The following SPI1 variants were observed in gnomAD, a reference collection of about 807,000 sequenced individuals.
SPI1 encodes transcription factor PU.1.
In SPI1, 3 loss-of-function variants were observed where a neutral mutation model predicts 30.7. The ratio of observed to expected loss-of-function variants is 0.10; its 90% CI spans 0.04 to 0.25. SPI1 has a LOEUF of 0.25. SPI1 is among the 10% of genes least tolerant of loss of function. The pLI, the probability that SPI1 is intolerant of heterozygous loss-of-function variation, is 1.00. For synonymous variants in SPI1, 169 were observed against 157.1 expected (o/e 1.08, Z -0.56); for missense variants, 261 against 371.5 (o/e 0.70, Z 2.45).
chr11:47,370,182 C>T (rs566884735), intron 2 of SPI1, among the ~76,000 whole-genome samples: 6 of 152,122 alleles, frequency 3.9e-5, no homozygotes, highest in African/African-American at 1.2e-4. Context: ...GCCAGTGGAT[C>T]GCCTGAGGTC....
chr11:47,361,822 C>A (rs77908907), intron 2 of SPI1, among the ~76,000 whole-genome samples: 3,598 of 152,322 alleles, frequency 0.024, 72 homozygotes, highest in Non-Finnish European at 0.035. Flanking sequence ...TACTCGCTTT[C>A]TAAACCTGCT....
chr11:47,357,393 C>A (rs1031531072), intron 4 of SPI1, among the ~76,000 whole-genome samples: 2 of 152,088 alleles, frequency 1.3e-5, no homozygotes, highest in Non-Finnish European at 2.9e-5. Flanking sequence ...CACGCATGCA[C>A]ATACATTCTG....
chr11:47,362,589 T>C (rs1026829967), intron 2 of SPI1, among the ~76,000 whole-genome samples: 1 of 147,536 alleles, frequency 6.8e-6, no homozygotes, highest in Non-Finnish European at 1.5e-5. Context: ...TTTTTTTTTT[T>C]TTCTCTGAGA....
chr11:47,361,387 C>G (rs958769704), intron 2 of SPI1, among the ~76,000 whole-genome samples: 1 of 152,294 alleles, frequency 6.6e-6, no homozygotes, highest in Non-Finnish European at 1.5e-5. Flanking sequence ...TGAGACTTTC[C>G]TGGAAAACCC....
At chr11:47,377,488 C>T (rs2095943884) in intron 1 of SPI1, among the ~76,000 whole-genome samples, 1 of 152,062 alleles carries the variant, frequency 6.6e-6, no homozygotes, top group South Asian at 2.1e-4. Flanking sequence ...GGAGCAGTGG[C>T]GATCTGCCCT....
rs1052978313 is a variant in SPI1, at chr11:47,378,454, C to T, written c.-101G>A. On this transcript the variant is annotated 5_prime_UTR_variant, in exon 1 of 5. Coordinates refer to ENST00000378538, the MANE Select transcript of SPI1 (RefSeq NM_003120.3). ...CGTCAGGGGCTGGACGGTCGTGGGGCGGGTGCAGGGCTCAGGCCTGCCCCC... is the reference window on the plus strand; with the variant it reads ...CGTCAGGGGCTGGACGGTCGTGGGGTGGGTGCAGGGCTCAGGCCTGCCCCC... 1.3e-5 allele frequency: 18 copies of T among 1,358,688 alleles called. No individual in the cohort carries two copies. The highest frequency in any genetic ancestry group is 4.3e-5 in the African/African-American group (3 of 69,580). The allele number at this position is 1,358,688 out of a possible 1,614,324, so 84.2% of individuals were successfully genotyped here. A position where few individuals can be genotyped will look rare whatever the true frequency, so the allele number is the denominator to read the frequency against.
At chr11:47,372,755 G>A (rs1350964500) in intron 2 of SPI1, among the ~76,000 whole-genome samples, 2 of 152,136 alleles carry the variant, frequency 1.3e-5, no homozygotes, top group African/African-American at 2.4e-5. Flanking sequence ...CACGGGCCTC[G>A]TCCTCTGCAC....
chr11:47,364,248 C>T (rs1292802498), intron 2 of SPI1, among the ~76,000 whole-genome samples: 2 of 151,878 alleles, frequency 1.3e-5, no homozygotes, highest in East Asian at 3.9e-4. Flanking sequence ...GACGGGTTTT[C>T]ACTGTGTTAG....
chr11:47,370,140 C>T lies in SPI1; in HGVS notation c.142+5493G>A, dbSNP rs912864970. Among the ~76,000 whole-genome samples, 9 of 152,326 alleles carry T rather than the reference C, an allele frequency of 5.9e-5. No homozygotes were observed. In the East Asian group the frequency reaches 1.7e-3, roughly 29 times the overall value. ...GATGAGGCCCGGGGACAGTGGCTCA[C>T]GCCTGTAATCCCAGCACTTTGGGAG... On this transcript the variant is annotated intron_variant, in intron 2 of 4. Coordinates refer to ENST00000378538, the MANE Select transcript of SPI1 (RefSeq NM_003120.3).
At chr11:47,366,750 G>A (rs910497299) in intron 2 of SPI1, among the ~76,000 whole-genome samples, 1 of 152,174 alleles carries the variant, frequency 6.6e-6, no homozygotes, top group African/African-American at 2.4e-5. Context: ...GAACCCAGGA[G>A]ATGGAGGTTG....
intron 2 of SPI1, among the ~76,000 whole-genome samples, chr11:47,373,645 TAA>T (rs543466708): frequency 2.9e-4 from 35 of 121,466 alleles, no homozygotes; most frequent in Admixed American, 2.5e-4. Context: ...AAGACTGTCC[TAA>T]AAAAAAAAAA....
intron 4 of SPI1, chr11:47,358,224 C>T (rs1161864516): frequency 6.1e-6 from 2 of 327,912 alleles, no homozygotes; most frequent in East Asian, 5.9e-5. Flanking sequence ...ACACACATCC[C>T]TGCTTACATA....
chr11:47,365,911 G>A (rs1049740692), intron 2 of SPI1, among the ~76,000 whole-genome samples: 1 of 152,100 alleles, frequency 6.6e-6, no homozygotes, highest in Non-Finnish European at 1.5e-5. Context: ...TGGCCAGGCC[G>A]GTCTCAAACT....
At chr11:47,369,858 G>A (rs376111585) in intron 2 of SPI1, among the ~76,000 whole-genome samples, 1 of 152,160 alleles carries the variant, frequency 6.6e-6, no homozygotes. Flanking sequence ...CTTAGGAGAC[G>A]ACCATGATAA....
At chr11:47,360,593 G>A (rs543122842) in intron 2 of SPI1, among the ~76,000 whole-genome samples, 23 of 150,086 alleles carry the variant, frequency 1.5e-4, no homozygotes, top group African/African-American at 5.2e-4. Context: ...TTTGGGAGGC[G>A]GAGGCGGGCG....
chr11:47,365,381 T>G (rs1394387298), intron 2 of SPI1, among the ~76,000 whole-genome samples: 2 of 152,176 alleles, frequency 1.3e-5, no homozygotes, highest in Non-Finnish European at 2.9e-5. Flanking sequence ...TTTGATTAAA[T>G]GATCAACAAA....
At position 47,355,374 on chromosome 11, in the gene SPI1, C is replaced by T. The variant is rs2095906502; in HGVS notation, c.666G>A (p.Lys222=). ...RWGIQKGNRK[K]MTYQKMARAL... is the part of the protein sequence containing the mutation. ...CGCGCGCCATCTTCTGGTAGGTCATCTTCTTGCGGTTGCCCTTCTGGATGC... is the reference window on the plus strand; with the variant it reads ...CGCGCGCCATCTTCTGGTAGGTCATTTTCTTGCGGTTGCCCTTCTGGATGC... Residue 222 remains lysine, a synonymous_variant, in exon 5 of 5, where the codon AAG becomes AAA. Coordinates refer to ENST00000378538, the MANE Select transcript of SPI1 (RefSeq NM_003120.3). 4 of 1,613,770 alleles carry T rather than the reference C, an allele frequency of 2.5e-6. No homozygotes were observed. The highest frequency in any genetic ancestry group is 3.4e-6 in the Non-Finnish European group (4 of 1,179,824).
intron 1 of SPI1, among the ~76,000 whole-genome samples, chr11:47,376,897 G>A (rs1238782439): frequency 6.6e-6 from 1 of 152,216 alleles, no homozygotes; most frequent in Non-Finnish European, 1.5e-5. Flanking sequence ...GGGGTGCCTA[G>A]GGATGGCCCA....
Position 47,359,774 on chromosome 11 carries a change from G to T in SPI1, c.330+79C>A. ...GAAGCTGAGTTGGGTAAGAGCCTGTGTCAGCTTCCTGTGAAGCTCCCGGGC... is the reference window on the plus strand; with the variant it reads ...GAAGCTGAGTTGGGTAAGAGCCTGTTTCAGCTTCCTGTGAAGCTCCCGGGC... On this transcript the variant is annotated intron_variant, in intron 3 of 4. Transcript: ENST00000378538. This position sits in a 1 kb window ranked among gnomAD's most constrained non-coding sequence, Gnocchi z 5.1. 6.7e-7 allele frequency: 1 copy of T among 1,502,996 alleles called. No individual in the cohort carries two copies. The highest frequency in any genetic ancestry group is 1.2e-5 in the South Asian group (1 of 86,452). The allele number at this position is 1,502,996 out of a possible 1,614,324, so 93.1% of individuals were successfully genotyped here. A position where few individuals can be genotyped will look rare whatever the true frequency, so the allele number is the denominator to read the frequency against.
Sources: gnomAD v4.1 joint callset for allele counts (sites outside exome capture counted in the v4.1 genomes callset) on GRCh38, gnomAD v4.1.1 for gene constraint, Gnocchi (gnomAD v3.1) non-coding constraint, MANE v1.5 for transcripts, NCBI Gene and HGNC (gene_info 2026-07-23, HGNC 2026-07-21) for gene names.